The following ESRRG variants were observed in gnomAD, a reference collection of about 807,000 sequenced individuals.
The protein encoded by ESRRG is estrogen related receptor gamma, also known as estrogen-related receptor gamma.
A neutral mutation model predicts 44.0 loss-of-function variants in ESRRG; 13 were observed. That is an observed-to-expected ratio of 0.30 (90% CI 0.19 to 0.47). ESRRG has a LOEUF of 0.47. Among genes scored for constraint, ESRRG ranks in the 20% least tolerant of loss-of-function variants. ESRRG has a pLI of 1.00. For missense variants in ESRRG, 395 were observed against 580.6 expected (o/e 0.68, Z 3.29); for synonymous variants, 215 against 214.6 (o/e 1.00, Z -0.02).
intron 1 of ESRRG, among the ~76,000 whole-genome samples, chr1:217,035,331 A>G: frequency 6.6e-6 from 1 of 151,322 alleles, no homozygotes. Flanking sequence ...AAAAAAAAAA[A>G]AAAAAAAAAA....
intron 1 of ESRRG, among the ~76,000 whole-genome samples, chr1:217,120,330 A>G (rs531952566): frequency 9.5e-4 from 144 of 152,188 alleles, no homozygotes; most frequent in Middle Eastern, 3.4e-3. Flanking sequence ...TCCTAGAAAT[A>G]CTTTATTTAA....
At chr1:216,593,145 T>C (rs2057947335) in intron 3 of ESRRG, among the ~76,000 whole-genome samples, 1 of 152,212 alleles carries the variant, frequency 6.6e-6, no homozygotes, top group Non-Finnish European at 1.5e-5. Flanking sequence ...TTCAGGTTGC[T>C]CAATGTGAAT....
At chr1:217,081,354 A>C (rs1454414393) in intron 1 of ESRRG, among the ~76,000 whole-genome samples, 2 of 143,602 alleles carry the variant, frequency 1.4e-5, no homozygotes, top group East Asian at 4.4e-4. Context: ...CAGCCTCCCG[A>C]GTAGCTGGGA....
intron 5 of ESRRG, among the ~76,000 whole-genome samples, chr1:216,558,704 A>C (rs1312053345): frequency 1.3e-5 from 2 of 152,140 alleles, no homozygotes; most frequent in East Asian, 3.9e-4. Context: ...TAAGTAACTT[A>C]CAAAACATTA....
At chr1:216,904,122 G>GACTC (rs918448461) in intron 2 of ESRRG, among the ~76,000 whole-genome samples, 24 of 152,144 alleles carry the variant, frequency 1.6e-4, no homozygotes, top group African/African-American at 5.8e-4. Context: ...AGCACAAAGG[G>GACTC]ACTCAGTAAG....
At chr1:216,790,950 G>A (rs1358502342) in intron 2 of ESRRG, among the ~76,000 whole-genome samples, 1 of 152,120 alleles carries the variant, frequency 6.6e-6, no homozygotes, top group African/African-American at 2.4e-5. Flanking sequence ...AACAAAAATG[G>A]AAGTATTTAT....
intron 1 of ESRRG, among the ~76,000 whole-genome samples, chr1:217,009,306 A>G (rs1429412203): frequency 6.6e-6 from 1 of 152,086 alleles, no homozygotes; most frequent in Non-Finnish European, 1.5e-5. Context: ...AATTCATTCC[A>G]TAGGATGGTA....
chr1:216,945,399 G>A (rs979345074), intron 1 of ESRRG, among the ~76,000 whole-genome samples: 12 of 151,978 alleles, frequency 7.9e-5, no homozygotes, highest in African/African-American at 2.9e-4. Context: ...CAGACCCCGA[G>A]AGAAAATAAA....
chr1:216,975,351 A>G (rs2072647343), intron 1 of ESRRG, among the ~76,000 whole-genome samples: 2 of 152,244 alleles, frequency 1.3e-5, no homozygotes, highest in Non-Finnish European at 2.9e-5. Flanking sequence ...AAAGGGGAAG[A>G]CAAAAAGAAG....
intron 1 of ESRRG, among the ~76,000 whole-genome samples, chr1:216,970,430 C>T (rs1258545726): frequency 6.6e-6 from 1 of 152,184 alleles, no homozygotes; most frequent in African/African-American, 2.4e-5. Flanking sequence ...TCAACTTTGC[C>T]TCCTGACGGA....
intron 2 of ESRRG, among the ~76,000 whole-genome samples, chr1:216,833,584 T>G (rs1173604604): frequency 6.6e-6 from 1 of 152,192 alleles, no homozygotes; most frequent in Non-Finnish European, 1.5e-5. Flanking sequence ...GTACCATCAT[T>G]TGTTGTTCTT....
chr1:216,745,291 T>C (rs1177593162), intron 2 of ESRRG, among the ~76,000 whole-genome samples: 1 of 152,110 alleles, frequency 6.6e-6, no homozygotes, highest in African/African-American at 2.4e-5. Context: ...TCCTAAATAG[T>C]TGGGACAACA....
chr1:216,934,737 A>G (rs1002550498), intron 2 of ESRRG, among the ~76,000 whole-genome samples: 1 of 152,150 alleles, frequency 6.6e-6, no homozygotes, highest in Non-Finnish European at 1.5e-5. Context: ...TATGGGAGCT[A>G]CAATTCAAGA....
intron 1 of ESRRG, among the ~76,000 whole-genome samples, chr1:217,081,514 G>A (rs925029987): frequency 7.9e-5 from 12 of 152,110 alleles, no homozygotes; most frequent in Admixed American, 6.5e-4. Flanking sequence ...GGTGTGAGCC[G>A]CCGTGCCAGG....
chr1:217,135,719 G>A (rs1385812436), intron 1 of ESRRG, among the ~76,000 whole-genome samples: 4 of 152,196 alleles, frequency 2.6e-5, no homozygotes, highest in Non-Finnish European at 5.9e-5. Flanking sequence ...TGCTTGCCGC[G>A]TGAGAGCAGA....
intron 1 of ESRRG, among the ~76,000 whole-genome samples, chr1:217,024,355 T>C: frequency 7.3e-6 from 1 of 137,340 alleles, no homozygotes; most frequent in African/African-American, 2.9e-5. Flanking sequence ...AAGAGTCCAT[T>C]TAAAAAAAAA....
chr1:217,105,203 C>CAAT (rs1226943686), intron 1 of ESRRG, among the ~76,000 whole-genome samples: 2 of 152,156 alleles, frequency 1.3e-5, no homozygotes, highest in Non-Finnish European at 2.9e-5. Context: ...ATCCTAACTT[C>CAAT]AATAACTAAA....
At chr1:216,615,423 C>T (rs751518302) in intron 3 of ESRRG, among the ~76,000 whole-genome samples, 20 of 152,200 alleles carry the variant, frequency 1.3e-4, no homozygotes, top group Non-Finnish European at 1.5e-4. Flanking sequence ...ATTTCCTTAA[C>T]GTAGGGCTTG....
chr1:216,869,074 A>T (rs1559926806), intron 2 of ESRRG, among the ~76,000 whole-genome samples: 2 of 152,140 alleles, frequency 1.3e-5, no homozygotes, highest in Non-Finnish European at 2.9e-5. Context: ...GTTGGAGACC[A>T]ATTTATCAAT....
Sources: gnomAD v4.1 joint callset for allele counts (sites outside exome capture counted in the v4.1 genomes callset) on GRCh38, gnomAD v4.1.1 for gene constraint, MANE v1.5 for transcripts, NCBI Gene and HGNC (gene_info 2026-07-23, HGNC 2026-07-21) for gene names.